SYNDIG1: variants seen among roughly 807,000 people sequenced by gnomAD.
SYNDIG1 encodes synapse differentiation inducing 1, also known as synapse differentiation-inducing gene protein 1.
In SYNDIG1, 9 loss-of-function variants were observed where a neutral mutation model predicts 19.4. The ratio of observed to expected loss-of-function variants is 0.46; its 90% CI spans 0.28 to 0.81. The LOEUF (loss-of-function observed/expected upper bound fraction) is 0.81, where lower values mean the gene tolerates loss of function less well. Among genes scored for constraint, SYNDIG1 ranks in the 30% least tolerant of loss-of-function variants. SYNDIG1 has a pLI of 0.12. For synonymous variants in SYNDIG1, 141 were observed against 145.9 expected (o/e 0.97, Z 0.24); for missense variants, 311 against 343.3 (o/e 0.91, Z 0.74).
At position 24,526,924 on chromosome 20, in the gene SYNDIG1, A is replaced by G. The variant is rs6132739; in HGVS notation, c.-78-16096A>G. Among the ~76,000 whole-genome samples, 1,087 of 152,178 alleles carry G rather than the reference A, an allele frequency of 7.1e-3. 68 individuals carry two copies. In the East Asian group the frequency reaches 0.15, roughly 21 times the overall value. On this transcript the variant is annotated intron_variant, in intron 1 of 3. Coordinates refer to ENST00000376862, the MANE Select transcript of SYNDIG1 (RefSeq NM_024893.3). ...TCTTGCCATTCTAGTTTTTGTTGCTATGTAGATTATCCACTATTTTCCTTT... is the reference window on the plus strand; with the variant it reads ...TCTTGCCATTCTAGTTTTTGTTGCTGTGTAGATTATCCACTATTTTCCTTT...
intron 1 of SYNDIG1, among the ~76,000 whole-genome samples, chr20:24,516,997 T>C (rs939080173): frequency 2.0e-5 from 3 of 152,192 alleles, no homozygotes; most frequent in African/African-American, 7.2e-5. Flanking sequence ...TCATGTCCTT[T>C]GTAGGGACAT....
intron 2 of SYNDIG1, among the ~76,000 whole-genome samples, chr20:24,583,268 C>G (rs1460953095): frequency 6.6e-6 from 1 of 152,236 alleles, no homozygotes; most frequent in Non-Finnish European, 1.5e-5. Flanking sequence ...CACGCAAGTG[C>G]TGCACTCACG....
At chr20:24,571,794 C>G (rs1600655320) in intron 2 of SYNDIG1, among the ~76,000 whole-genome samples, 1 of 152,182 alleles carries the variant, frequency 6.6e-6, no homozygotes, top group Admixed American at 6.5e-5. Flanking sequence ...ACAGAGGCAA[C>G]CTTTTGAAAT....
chr20:24,611,213 G>GA (rs2058842121), intron 3 of SYNDIG1, among the ~76,000 whole-genome samples: 1 of 152,036 alleles, frequency 6.6e-6, no homozygotes, highest in Non-Finnish European at 1.5e-5. Context: ...GAAGGCTCCT[G>GA]GCCTCTCCAT....
chr20:24,505,527 G>T (rs1456394562), intron 1 of SYNDIG1, among the ~76,000 whole-genome samples: 1 of 152,190 alleles, frequency 6.6e-6, no homozygotes, highest in East Asian at 1.9e-4. Flanking sequence ...CCCTTCTGGG[G>T]TTTTTGTAAA....
At chr20:24,610,827 G>A (rs2058835447) in intron 3 of SYNDIG1, among the ~76,000 whole-genome samples, 3 of 152,174 alleles carry the variant, frequency 2.0e-5, no homozygotes, top group Admixed American at 2.0e-4. Flanking sequence ...TGCCCAGGAA[G>A]ACGGAGATGG....
intron 1 of SYNDIG1, among the ~76,000 whole-genome samples, chr20:24,494,780 A>G (rs1307004042): frequency 6.6e-6 from 1 of 152,180 alleles, no homozygotes; most frequent in African/African-American, 2.4e-5. Flanking sequence ...CTCAGACGTG[A>G]CAGGCACCTC....
At chr20:24,524,585 A>C (rs931084936) in intron 1 of SYNDIG1, among the ~76,000 whole-genome samples, 1 of 151,870 alleles carries the variant, frequency 6.6e-6, no homozygotes, top group Non-Finnish European at 1.5e-5. Flanking sequence ...GGCGGAGCTT[A>C]CAGTGAGCTG....
intron 3 of SYNDIG1, among the ~76,000 whole-genome samples, chr20:24,603,439 G>C (rs1362314489): frequency 2.0e-5 from 3 of 152,132 alleles, no homozygotes; most frequent in Non-Finnish European, 2.9e-5. Context: ...CTGTTCACAA[G>C]AGGTGTTAAT....
chr20:24,594,705 G>A (rs78117017), intron 3 of SYNDIG1, among the ~76,000 whole-genome samples: 4,677 of 152,230 alleles, frequency 0.031, 154 homozygotes, highest in African/African-American at 0.084. Flanking sequence ...ATTTCTTCGA[G>A]CAGCATTTTA....
rs553039497 is a variant in SYNDIG1 at position 24,624,120 on chromosome 20, A to G, written c.618+39127A>G. The stretch of plus-strand genomic sequence containing the variant: ...TACTAAAAATGCAAAAAAATAGCTG[A>G]GTGTGGTGGTGGGTGCCTGTAGTCC... On this transcript the variant is annotated intron_variant, in intron 3 of 3. Transcript: ENST00000376862. 7.9e-5 allele frequency among the ~76,000 whole-genome samples: 12 copies of G among 152,010 alleles called. No homozygotes were observed. The East Asian group carries it at 2.3e-3, about 29-fold the overall frequency.
intron 3 of SYNDIG1, among the ~76,000 whole-genome samples, chr20:24,605,359 T>G (rs2058741202): frequency 6.6e-6 from 1 of 152,228 alleles, no homozygotes; most frequent in South Asian, 2.1e-4. Context: ...CTACATGGGT[T>G]TATTTTAACT....
intron 3 of SYNDIG1, chr20:24,596,821 TC>T (rs1568671823): frequency 6.6e-6 from 1 of 152,196 alleles, no homozygotes; most frequent in Non-Finnish European, 1.5e-5. Flanking sequence ...ATCCTCAATC[TC>T]CCCCAGTCCC....
In SYNDIG1 at chr20:24,593,157, A is replaced by G. The variant is rs149684717; in HGVS notation, c.618+8164A>G. Reference sequence around the variant, plus strand: ...AGTTTGATGTACAGCTTATTTCATCACCCAGGTAATAAGCATAGTACCTGA... The same window carrying G: ...AGTTTGATGTACAGCTTATTTCATCGCCCAGGTAATAAGCATAGTACCTGA... On this transcript the variant is annotated intron_variant, in intron 3 of 3. Transcript: ENST00000376862. Among the ~76,000 whole-genome samples the G allele has an allele frequency of 3.5e-4, 53 of 152,306 alleles. No individual in the cohort carries two copies. The East Asian group carries it at 8.5e-3, about 24-fold the overall frequency.
intron 1 of SYNDIG1, among the ~76,000 whole-genome samples, chr20:24,489,470 C>T (rs866323937): frequency 7.9e-5 from 12 of 151,510 alleles, no homozygotes; most frequent in South Asian, 2.1e-4. Flanking sequence ...CAGACACATA[C>T]GTGCATGGAC....
intron 1 of SYNDIG1, among the ~76,000 whole-genome samples, chr20:24,527,312 C>T (rs2057143815): frequency 1.3e-5 from 2 of 152,070 alleles, no homozygotes; most frequent in Non-Finnish European, 2.9e-5. Context: ...GTGTTTTTTA[C>T]TCCAACAAAA....
At chr20:24,627,327 G>T (rs899382446) in intron 3 of SYNDIG1, among the ~76,000 whole-genome samples, 1 of 152,156 alleles carries the variant, frequency 6.6e-6, no homozygotes, top group Non-Finnish European at 1.5e-5. Flanking sequence ...TAACCTGATT[G>T]CTCTACTTCA....
chr20:24,520,920 T>C (rs2056989397), intron 1 of SYNDIG1, among the ~76,000 whole-genome samples: 1 of 152,206 alleles, frequency 6.6e-6, no homozygotes, highest in Non-Finnish European at 1.5e-5. Context: ...CCACCGTCCA[T>C]CTGCAGAACT....
At chr20:24,565,080 C>A (rs2058020449) in intron 2 of SYNDIG1, among the ~76,000 whole-genome samples, 1 of 152,152 alleles carries the variant, frequency 6.6e-6, no homozygotes, top group Non-Finnish European at 1.5e-5. Context: ...TCATCTGAAT[C>A]TTCAGTAAGT....
Sources: allele counts gnomAD v4.1 joint callset (sites outside exome capture counted in the v4.1 genomes callset), GRCh38; gene constraint gnomAD v4.1.1; transcripts MANE v1.5; gene names NCBI Gene and HGNC (gene_info 2026-07-23, HGNC 2026-07-21).